SCHIP1: variants seen among roughly 807,000 people sequenced by gnomAD.
The protein encoded by SCHIP1 is schwannomin interacting protein 1, also known as schwannomin-interacting protein 1.
Under a neutral mutation model 29.7 loss-of-function variants are expected in SCHIP1, and 8 were observed. That is an observed-to-expected ratio of 0.27 (90% CI 0.16 to 0.49). The LOEUF is 0.49. Among genes scored for constraint, SCHIP1 ranks in the 20% least tolerant of loss-of-function variants. The pLI is 0.99. For missense variants in SCHIP1, 193 were observed against 294.6 expected (o/e 0.66, Z 2.52); for synonymous variants, 76 against 94.9 (o/e 0.80, Z 1.16).
chr3:159,435,464 A>C, the SCHIP1 span, among the ~76,000 whole-genome samples: 1 of 152,136 alleles, frequency 6.6e-6, no homozygotes, highest in Non-Finnish European at 1.5e-5. Context: ...AATCACTGCT[A>C]TCAGAGTTGT....
chr3:159,876,833 T>A (rs1459426202), intron 2 of SCHIP1, among the ~76,000 whole-genome samples: 1 of 152,240 alleles, frequency 6.6e-6, no homozygotes, highest in Admixed American at 6.5e-5. Context: ...AGCTGCCATG[T>A]CTCAGCTTTT....
chr3:159,570,577 G>C, the SCHIP1 span, among the ~76,000 whole-genome samples: 3 of 152,094 alleles, frequency 2.0e-5, no homozygotes, highest in Admixed American at 6.6e-5. Flanking sequence ...GTCAGGTAGC[G>C]TGATGCCTCC....
the SCHIP1 span, among the ~76,000 whole-genome samples, chr3:159,294,328 A>G: frequency 4.6e-5 from 7 of 152,226 alleles, no homozygotes; most frequent in Non-Finnish European, 7.3e-5. Flanking sequence ...ATAGTAAATG[A>G]CAAATACTAA....
intron 2 of SCHIP1, among the ~76,000 whole-genome samples, chr3:159,880,651 C>T (rs1396454042): frequency 6.6e-6 from 1 of 152,152 alleles, no homozygotes; most frequent in Admixed American, 6.5e-5. Context: ...AAAGTGTGTG[C>T]CCTGGCTGAC....
At chr3:159,652,676 G>A in the SCHIP1 span, among the ~76,000 whole-genome samples, 324 of 152,246 alleles carry the variant, frequency 2.1e-3, 1 homozygote, top group Middle Eastern at 3.4e-3. Context: ...GTGCAATGAC[G>A]ACTGTTGAAA....
chr3:159,493,063 T>C, the SCHIP1 span, among the ~76,000 whole-genome samples: 1 of 152,172 alleles, frequency 6.6e-6, no homozygotes, highest in Non-Finnish European at 1.5e-5. Context: ...AGTGATTTTG[T>C]CACCACCAGG....
chr3:159,711,220 G>A, the SCHIP1 span, among the ~76,000 whole-genome samples: 1 of 81,644 alleles, frequency 1.2e-5, no homozygotes, highest in Non-Finnish European at 2.0e-5. Flanking sequence ...AATTAGCCGG[G>A]CGTAGTGGCG....
the SCHIP1 span, among the ~76,000 whole-genome samples, chr3:159,495,545 T>C: frequency 6.6e-6 from 1 of 152,106 alleles, no homozygotes; most frequent in Non-Finnish European, 1.5e-5. Flanking sequence ...CAATCCAACT[T>C]ACAAGGGATG....
At chr3:159,868,647 CA>C (rs1474878617) in intron 2 of SCHIP1, among the ~76,000 whole-genome samples, 1 of 152,042 alleles carries the variant, frequency 6.6e-6, no homozygotes, top group Non-Finnish European at 1.5e-5. Context: ...CCATGTTCTG[CA>C]TTTGTATTCC....
At chr3:159,622,248 G>A in the SCHIP1 span, among the ~76,000 whole-genome samples, 1 of 152,346 alleles carries the variant, frequency 6.6e-6, no homozygotes, top group South Asian at 2.1e-4. Context: ...GACCAGAAAC[G>A]AATGGGGCCA....
the SCHIP1 span, among the ~76,000 whole-genome samples, chr3:159,802,082 C>A: frequency 6.6e-6 from 1 of 152,130 alleles, no homozygotes; most frequent in Non-Finnish European, 1.5e-5. Flanking sequence ...AAATCCATAA[C>A]CTTTCATTTA....
chr3:159,833,338 CTCT>C, the SCHIP1 span, among the ~76,000 whole-genome samples: 957 of 152,280 alleles, frequency 6.3e-3, 13 homozygotes, highest in African/African-American at 0.022. Context: ...GGCTTGTGGC[CTCT>C]TCTTCCATCT....
At chr3:159,411,540 T>C in the SCHIP1 span, among the ~76,000 whole-genome samples, 1 of 152,298 alleles carries the variant, frequency 6.6e-6, no homozygotes, top group African/African-American at 2.4e-5. Flanking sequence ...AATGCACCAG[T>C]ATACACCGAA....
chr3:159,274,952 A>T, the SCHIP1 span: 4 of 980,976 alleles, frequency 4.1e-6, no homozygotes, highest in Non-Finnish European at 4.8e-6. Context: ...CAATTCAAAT[A>T]TAATGGATTC....
the SCHIP1 span, among the ~76,000 whole-genome samples, chr3:159,305,398 C>T: frequency 1.3e-5 from 2 of 152,348 alleles, no homozygotes; most frequent in East Asian, 3.9e-4. Context: ...GTGTGAACTT[C>T]TTGATCTTCC....
At chr3:159,386,740 T>G in the SCHIP1 span, 4 of 152,266 alleles carry the variant, frequency 2.6e-5, no homozygotes. Flanking sequence ...CACTTTACTT[T>G]TCTTGTATAA....
At chr3:159,863,201 G>A (rs533761878) in intron 1 of SCHIP1, among the ~76,000 whole-genome samples, 3 of 152,256 alleles carry the variant, frequency 2.0e-5, no homozygotes, top group Admixed American at 6.5e-5. Flanking sequence ...TTAGCTGAGC[G>A]TAGTGGCGCG....
the SCHIP1 span, among the ~76,000 whole-genome samples, chr3:159,624,384 G>A: frequency 6.6e-6 from 1 of 152,188 alleles, no homozygotes; most frequent in Admixed American, 6.5e-5. Context: ...AAGTCTATCA[G>A]GCTTCCTCTG....
the SCHIP1 span, among the ~76,000 whole-genome samples, chr3:159,599,190 A>C: frequency 1.3e-5 from 2 of 152,172 alleles, no homozygotes; most frequent in Non-Finnish European, 2.9e-5. Context: ...TCTACATTCA[A>C]GGTTATTATT....
Sources: gnomAD v4.1 joint callset for allele counts (sites outside exome capture counted in the v4.1 genomes callset) on GRCh38, gnomAD v4.1.1 for gene constraint, MANE v1.5 for transcripts, NCBI Gene and HGNC (gene_info 2026-07-23, HGNC 2026-07-21) for gene names.